NRG3: variants seen among roughly 807,000 people sequenced by gnomAD.
NRG3 encodes the protein pro-neuregulin-3, membrane-bound isoform.
A neutral mutation model predicts 66.9 loss-of-function variants in NRG3; 31 were observed. The ratio of observed to expected loss-of-function variants is 0.46; its 90% CI spans 0.35 to 0.63. NRG3 has a LOEUF of 0.63. Ranked by LOEUF, NRG3 falls within the 20% of genes least tolerant of loss-of-function variation. The pLI is 0.00. For synonymous variants in NRG3, 393 were observed against 359.4 expected (o/e 1.09, Z -1.06); for missense variants, 910 against 878.9 (o/e 1.04, Z -0.45).
chr10:82,334,844 A>G (rs1383719991), intron 1 of NRG3, among the ~76,000 whole-genome samples: 2 of 152,246 alleles, frequency 1.3e-5, no homozygotes, highest in African/African-American at 4.8e-5. Context: ...TTTATATTAA[A>G]CAATATATTT....
At chr10:82,400,590 C>T (rs538332588) in intron 2 of NRG3, among the ~76,000 whole-genome samples, 5 of 144,828 alleles carry the variant, frequency 3.5e-5, no homozygotes, top group Admixed American at 1.4e-4. Context: ...TTTTTTGAGA[C>T]AGAGTCTTGC....
At chr10:82,970,503 G>A (rs896415114) in intron 6 of NRG3, among the ~76,000 whole-genome samples, 1 of 152,100 alleles carries the variant, frequency 6.6e-6, no homozygotes, top group Non-Finnish European at 1.5e-5. Context: ...TTTATAATGA[G>A]TGCAGTTGCA....
intron 2 of NRG3, among the ~76,000 whole-genome samples, chr10:82,366,974 C>T (rs147063336): frequency 2.0e-5 from 3 of 152,226 alleles, no homozygotes; most frequent in East Asian, 1.9e-4. Flanking sequence ...ATGTTAGCAG[C>T]GAATATGGAA....
chr10:82,611,715 G>GCCACA (rs1159504171), intron 2 of NRG3, among the ~76,000 whole-genome samples: 3 of 152,092 alleles, frequency 2.0e-5, no homozygotes, highest in Non-Finnish European at 4.4e-5. Flanking sequence ...TGTGAATAGT[G>GCCACA]CCACAATAAA....
chr10:82,187,258 G>T (rs1042309199), intron 1 of NRG3, among the ~76,000 whole-genome samples: 2 of 152,094 alleles, frequency 1.3e-5, no homozygotes, highest in Admixed American at 6.5e-5. Flanking sequence ...ACTAACAAAA[G>T]TATGGCTTAA....
At chr10:82,622,811 C>A (rs1020505426) in intron 2 of NRG3, among the ~76,000 whole-genome samples, 7 of 152,194 alleles carry the variant, frequency 4.6e-5, no homozygotes, top group African/African-American at 1.4e-4. Context: ...GTACTCAACA[C>A]ATTATTATAA....
chr10:82,277,904 C>T (rs1282761981), intron 1 of NRG3, among the ~76,000 whole-genome samples: 3 of 152,108 alleles, frequency 2.0e-5, no homozygotes, highest in African/African-American at 7.2e-5. Flanking sequence ...CTACCCTCCT[C>T]AGCCTTTGGA....
intron 2 of NRG3, among the ~76,000 whole-genome samples, chr10:82,624,117 A>T (rs2049239891): frequency 6.6e-6 from 1 of 152,186 alleles, no homozygotes; most frequent in Admixed American, 6.6e-5. Flanking sequence ...GCCAATCTAG[A>T]TAAGTGGCAC....
At chr10:82,101,907 G>A (rs1488444321) in intron 1 of NRG3, among the ~76,000 whole-genome samples, 5 of 147,386 alleles carry the variant, frequency 3.4e-5, no homozygotes, top group South Asian at 2.2e-4. Flanking sequence ...TGAGAGAGAA[G>A]TTTTGAAATC....
At chr10:82,765,967 A>T (rs2059497628) in intron 3 of NRG3, among the ~76,000 whole-genome samples, 1 of 152,168 alleles carries the variant, frequency 6.6e-6, no homozygotes, top group African/African-American at 2.4e-5. Flanking sequence ...ATTGCAAAAA[A>T]GATAATATAG....
Position 82,560,788 on chromosome 10 carries a change from T to C in NRG3, c.954-177789T>C, listed in dbSNP as rs552405704. Among the ~76,000 whole-genome samples, 3 of 151,714 alleles carry C rather than the reference T, an allele frequency of 2.0e-5. No homozygotes were observed. The East Asian group carries it at 5.8e-4, about 30-fold the overall frequency. ...TAAAGAGTATTTCCTCTTTTTCTATTTTAATTTCATTTTAAATAAGAAACG... is the reference window on the plus strand; with the variant it reads ...TAAAGAGTATTTCCTCTTTTTCTATCTTAATTTCATTTTAAATAAGAAACG... On this transcript the variant is annotated intron_variant, in intron 2 of 8. Transcript: ENST00000372141.
intron 1 of NRG3, among the ~76,000 whole-genome samples, chr10:82,213,181 G>T (rs1045191644): frequency 1.1e-4 from 16 of 152,214 alleles, no homozygotes; most frequent in Non-Finnish European, 2.2e-4. Flanking sequence ...GTGGCCTCAT[G>T]CAGGGCACAA....
intron 3 of NRG3, among the ~76,000 whole-genome samples, chr10:82,863,366 G>A (rs1163638007): frequency 6.6e-6 from 1 of 152,100 alleles, no homozygotes; most frequent in African/African-American, 2.4e-5. Context: ...AATCCTTTGG[G>A]TATATACCCA....
intron 2 of NRG3, among the ~76,000 whole-genome samples, chr10:82,426,494 AG>A (rs1360673606): frequency 2.5e-4 from 37 of 146,704 alleles, no homozygotes; most frequent in African/African-American, 8.7e-4. Context: ...ATCTATTTTC[AG>A]GTTTTTTTTT....
At chr10:82,226,428 A>G (rs1379961525) in intron 1 of NRG3, among the ~76,000 whole-genome samples, 1 of 152,194 alleles carries the variant, frequency 6.6e-6, no homozygotes, top group African/African-American at 2.4e-5. Flanking sequence ...ACACCCTCCA[A>G]TGCTGCTTTT....
chr10:82,432,304 T>C (rs2089868472), intron 2 of NRG3, among the ~76,000 whole-genome samples: 1 of 152,090 alleles, frequency 6.6e-6, no homozygotes, highest in Non-Finnish European at 1.5e-5. Flanking sequence ...TTTCATGAGA[T>C]CCATTTTTTT....
chr10:82,575,646 G>C (rs1296133331), intron 2 of NRG3, among the ~76,000 whole-genome samples: 1 of 151,624 alleles, frequency 6.6e-6, no homozygotes, highest in Admixed American at 6.6e-5. Flanking sequence ...CTATAAAAAC[G>C]AACACAAAAC....
At chr10:82,894,242 C>T (rs961245517) in intron 4 of NRG3, among the ~76,000 whole-genome samples, 11 of 152,054 alleles carry the variant, frequency 7.2e-5, no homozygotes. Context: ...ATATTTCTTC[C>T]ATTTTAGCAA....
intron 2 of NRG3, among the ~76,000 whole-genome samples, chr10:82,589,032 G>A (rs868170648): frequency 1.3e-5 from 2 of 152,190 alleles, no homozygotes; most frequent in African/African-American, 4.8e-5. Flanking sequence ...CATGGGGATT[G>A]CTGGCCTACG....
Sources: gnomAD v4.1 joint callset for allele counts (sites outside exome capture counted in the v4.1 genomes callset) on GRCh38, gnomAD v4.1.1 for gene constraint, MANE v1.5 for transcripts, NCBI Gene and HGNC (gene_info 2026-07-23, HGNC 2026-07-21) for gene names.